Variants in SLC25A37 observed in about 807,000 individuals in gnomAD.
SLC25A37 encodes solute carrier family 25 member 37.
In SLC25A37, 17 loss-of-function variants were observed where a neutral mutation model predicts 31.0. The ratio of observed to expected loss-of-function variants is 0.55; its 90% CI spans 0.38 to 0.82. The LOEUF (loss-of-function observed/expected upper bound fraction) is 0.82. Ranked by LOEUF, SLC25A37 falls within the 40% of genes least tolerant of loss-of-function variation. SLC25A37 has a pLI of 0.00. For synonymous variants in SLC25A37, 222 were observed against 193.0 expected (o/e 1.15, Z -1.24); for missense variants, 404 against 465.8 (o/e 0.87, Z 1.22).
chr8:23,572,051 G>T lies in SLC25A37; in HGVS notation c.*196G>T. The T allele has an allele frequency of 1.6e-6, 1 of 613,558 alleles. No homozygotes were observed. The allele number at this position is 613,558 out of a possible 1,614,324, so 38.0% of individuals were successfully genotyped here. ...GTGTGCGGGGACATCCGAGGTGGTG[G>T]TGGACAGGAAGGACTTGGGAAGGGG... On this transcript the variant is annotated 3_prime_UTR_variant, in exon 4 of 4. Coordinates refer to ENST00000519973, the MANE Select transcript of SLC25A37 (RefSeq NM_016612.4).
In SLC25A37 at chr8:23,529,093, A is replaced by C; in HGVS notation, c.91A>C (p.Thr31Pro). The change falls in exon 1 of 4, where the codon ACC becomes CCC. Residue 31 changes from threonine to proline, a missense_variant. Thr to Pro is a conservative substitution (Grantham distance 38). Around this residue, in one of 3 missense-constraint regions of SLC25A37, gnomAD observed 154 missense variants for 153.6 expected, o/e 1.00. Coordinates refer to ENST00000519973, the MANE Select transcript of SLC25A37 (RefSeq NM_016612.4). The surrounding 1 kb of genome is among the most constrained non-coding windows in gnomAD (Gnocchi z 4.1). ...AGATGGCGGCGGCGGCAAGGACGCCACCGGGTCGGAGGACTACGAGAACCT... is the reference window on the plus strand; with the variant it reads ...AGATGGCGGCGGCGGCAAGGACGCCCCCGGGTCGGAGGACTACGAGAACCT... ...SRDGGGGKDA[T>P]GSEDYENLPT... 1 of 1,606,104 alleles carries C rather than the reference A, an allele frequency of 6.2e-7. No homozygotes were observed. Among genetic ancestry groups the C allele is most frequent in the Non-Finnish European group, 8.5e-7 (1 of 1,177,188 alleles).
At chr8:23,556,517 C>T (rs1802369959) in intron 1 of SLC25A37, among the ~76,000 whole-genome samples, 1 of 151,992 alleles carries the variant, frequency 6.6e-6, no homozygotes, top group Admixed American at 6.6e-5. Context: ...TGAGCCACTG[C>T]ACCCAGCTCA....
At chr8:23,533,629 G>C (rs1801704992) in intron 1 of SLC25A37, among the ~76,000 whole-genome samples, 1 of 152,210 alleles carries the variant, frequency 6.6e-6, no homozygotes, top group African/African-American at 2.4e-5. Flanking sequence ...CTCATCGGAT[G>C]AACTCACCTG....
rs2942194 is a variant in SLC25A37 at position 23,566,156 on chromosome 8, A to G, written c.259A>G (p.Ile87Val). 419,676 of 1,602,702 alleles carry G rather than the reference A, an allele frequency of 0.26. 57,752 individuals carry two copies. Among genetic ancestry groups the G allele is most frequent in the Non-Finnish European group, 0.28 (332,511 of 1,176,332 alleles). The change falls in exon 2 of 4, where the codon ATC becomes GTC. Residue 87 changes from isoleucine (I) to valine (V), a missense_variant. Coordinates refer to ENST00000519973, the MANE Select transcript of SLC25A37 (RefSeq NM_016612.4). ...AGATCCCAAAGCCCAGTACACAAGT[A>G]TCTACGGAGCCCTCAAGAAAATCAT... ...SPDPKAQYTS[I>V]YGALKKIMRT...
chr8:23,535,192 G>T (rs1449557037), intron 1 of SLC25A37, among the ~76,000 whole-genome samples: 1 of 152,176 alleles, frequency 6.6e-6, no homozygotes, highest in Admixed American at 6.5e-5. Flanking sequence ...GTCCTGGACA[G>T]CCCATCTGTC....
At chr8:23,532,204 C>G (rs1563249107) in intron 1 of SLC25A37, among the ~76,000 whole-genome samples, 2 of 152,208 alleles carry the variant, frequency 1.3e-5, no homozygotes, top group Non-Finnish European at 2.9e-5. Flanking sequence ...TCCCTTGGTC[C>G]TCCCATGGTG....
At chr8:23,571,229 CTTGT>C (rs1469813655) in intron 3 of SLC25A37, 102 bp from the exon 4 acceptor site, 1 of 1,356,368 alleles carries the variant, frequency 7.4e-7, no homozygotes, top group Admixed American at 2.8e-5. Flanking sequence ...GTCTAACTGG[CTTGT>C]TTCTCTTTAT....
At chr8:23,570,428 G>A (rs1802792721) in intron 3 of SLC25A37, among the ~76,000 whole-genome samples, 1 of 151,890 alleles carries the variant, frequency 6.6e-6, no homozygotes, top group Admixed American at 6.6e-5. Context: ...GGGTGGGGTG[G>A]AGAGGAAACC....
chr8:23,533,385 G>T (rs1801699814), intron 1 of SLC25A37, among the ~76,000 whole-genome samples: 1 of 152,170 alleles, frequency 6.6e-6, no homozygotes, highest in African/African-American at 2.4e-5. Context: ...ACTATACAGG[G>T]GTGTGCACCT....
chr8:23,542,753 G>C (rs35482451), intron 1 of SLC25A37, among the ~76,000 whole-genome samples: 21,044 of 150,700 alleles, frequency 0.14, 1,945 homozygotes, highest in Admixed American at 0.24. Context: ...TCCAGAAGAA[G>C]GCATTGCGAT....
chr8:23,562,246 C>T (rs1052480101), intron 1 of SLC25A37, among the ~76,000 whole-genome samples: 1 of 152,234 alleles, frequency 6.6e-6, no homozygotes, highest in African/African-American at 2.4e-5. Flanking sequence ...CCATGTTAGG[C>T]CCCCTGGGAC....
At chr8:23,567,501 A>G (rs753521759) in intron 2 of SLC25A37, 1 of 152,966 alleles carries the variant, frequency 6.5e-6, no homozygotes, top group African/African-American at 2.4e-5. Context: ...TATGTGGTGT[A>G]TGCTGTGGTG....
chr8:23,548,502 T>C (rs538959090), intron 1 of SLC25A37, among the ~76,000 whole-genome samples: 3 of 145,210 alleles, frequency 2.1e-5, no homozygotes, highest in African/African-American at 7.8e-5. Flanking sequence ...TTTTTAGACT[T>C]GTTGCCCCCC....
intron 1 of SLC25A37, among the ~76,000 whole-genome samples, chr8:23,535,894 C>G (rs1801757715): frequency 6.6e-6 from 1 of 152,144 alleles, no homozygotes; most frequent in Non-Finnish European, 1.5e-5. Flanking sequence ...ATTCAATTAC[C>G]TCCCACTGGG....
intron 1 of SLC25A37, among the ~76,000 whole-genome samples, chr8:23,554,257 A>G (rs955454371): frequency 9.9e-5 from 15 of 152,188 alleles, no homozygotes; most frequent in African/African-American, 3.6e-4. Context: ...TTGAAGGTTC[A>G]GGGAAGCAAG....
intron 1 of SLC25A37, among the ~76,000 whole-genome samples, chr8:23,550,873 G>C (rs988925529): frequency 1.1e-4 from 17 of 152,224 alleles, no homozygotes; most frequent in South Asian, 4.1e-4. Context: ...AGGTCCTCCA[G>C]GGCTGCTGTG....
chr8:23,548,983 C>T (rs1802149180), intron 1 of SLC25A37, among the ~76,000 whole-genome samples: 1 of 152,204 alleles, frequency 6.6e-6, no homozygotes, highest in South Asian at 2.1e-4. Flanking sequence ...GTGGTCACTG[C>T]CAGGACCCCT....
At chr8:23,571,199 G>A in intron 3 of SLC25A37, 136 bp from the exon 4 acceptor site, 1 of 1,064,074 alleles carries the variant, frequency 9.4e-7, no homozygotes, top group Non-Finnish European at 1.3e-6. Flanking sequence ...TGTGTGTGCT[G>A]GCTCTCGCCT....
intron 1 of SLC25A37, among the ~76,000 whole-genome samples, chr8:23,562,079 G>T (rs1333432714): frequency 6.6e-6 from 1 of 152,226 alleles, no homozygotes; most frequent in Non-Finnish European, 1.5e-5. Flanking sequence ...TTTGACCATA[G>T]GCTGGGCTTG....
Sources: gnomAD v4.1 joint callset for allele counts (sites outside exome capture counted in the v4.1 genomes callset) on GRCh38, gnomAD v4.1.1 for gene constraint, gnomAD v4.1.1 regional missense constraint, Gnocchi (gnomAD v3.1) non-coding constraint, MANE v1.5 for transcripts, NCBI Gene and HGNC (gene_info 2026-07-23, HGNC 2026-07-21) for gene names.